ARPC3: variants seen among roughly 807,000 people sequenced by gnomAD.
The protein encoded by ARPC3 is actin related protein 2/3 complex subunit 3.
A neutral mutation model predicts 27.6 loss-of-function variants in ARPC3; 12 were observed. That is an observed-to-expected ratio of 0.43 (90% CI 0.28 to 0.70). The LOEUF (loss-of-function observed/expected upper bound fraction) is 0.70, where lower values mean the gene tolerates loss of function less well. Among genes scored for constraint, ARPC3 ranks in the 30% least tolerant of loss-of-function variants. The probability of loss-of-function intolerance (pLI) is 0.17; values close to 1 mark genes in which losing one functional copy is unlikely to be tolerated. For missense variants in ARPC3, 153 were observed against 207.7 expected (o/e 0.74, Z 1.62); for synonymous variants, 53 against 67.2 (o/e 0.79, Z 1.03).
chr12:110,436,085 T>G (rs893617794), intron 6 of ARPC3, 25 bp downstream of exon 6: 2 of 1,563,784 alleles, frequency 1.3e-6, no homozygotes, highest in African/African-American at 2.7e-5. Flanking sequence ...ATTTACCAAT[T>G]AAGCAGGCAA....
intron 2 of ARPC3, 132 bp from the exon 3 acceptor site, chr12:110,440,520 A>G (rs1438178558): frequency 1.5e-6 from 1 of 684,584 alleles, no homozygotes; most frequent in Non-Finnish European, 2.6e-6. Context: ...AAATGATCCT[A>G]TTGAAATACA....
intron 2 of ARPC3, chr12:110,445,104 G>T (rs1288158497): frequency 3.7e-6 from 1 of 267,406 alleles, no homozygotes; most frequent in Non-Finnish European, 7.3e-6. Flanking sequence ...TAAAATATTT[G>T]TTGTTGTTCT....
chr12:110,440,851 T>G (rs1388316737), intron 2 of ARPC3, among the ~76,000 whole-genome samples: 2 of 134,418 alleles, frequency 1.5e-5, no homozygotes, highest in African/African-American at 5.6e-5. Context: ...CAGCCTTTGT[T>G]TTTTTTTTTG....
At chr12:110,449,769 C>T (rs536857996) in intron 1 of ARPC3, among the ~76,000 whole-genome samples, 3 of 152,262 alleles carry the variant, frequency 2.0e-5, no homozygotes, top group African/African-American at 4.8e-5. Flanking sequence ...CCGAACGAGT[C>T]TGTGAGGGCC....
At chr12:110,448,663 A>T (rs909066847) in intron 1 of ARPC3, among the ~76,000 whole-genome samples, 1 of 151,282 alleles carries the variant, frequency 6.6e-6, no homozygotes, top group African/African-American at 2.4e-5. Flanking sequence ...AAAAAAAAAA[A>T]AAATGTATTT....
chr12:110,447,990 C>A (rs1350871978), intron 1 of ARPC3, among the ~76,000 whole-genome samples: 1 of 150,286 alleles, frequency 6.7e-6, no homozygotes, highest in Non-Finnish European at 1.5e-5. Context: ...CCAGGTGATC[C>A]TCCCACCTCA....
chr12:110,443,679 C>T (rs919530497), intron 2 of ARPC3, among the ~76,000 whole-genome samples: 5 of 151,950 alleles, frequency 3.3e-5, no homozygotes, highest in African/African-American at 9.7e-5. Context: ...GCAATCTGCC[C>T]GCCTCAGCCT....
chr12:110,445,217 T>A (rs1373824023), intron 2 of ARPC3: 5 of 506,230 alleles, frequency 9.9e-6, no homozygotes, highest in Non-Finnish European at 1.8e-5. Flanking sequence ...ATTAAGCACA[T>A]TTCCTCCATT....
chr12:110,436,052 T>C (rs1324334809), intron 6 of ARPC3, 58 bp downstream of exon 6: 4 of 1,318,792 alleles, frequency 3.0e-6, no homozygotes, highest in African/African-American at 1.5e-5. Context: ...GTGTGTTCAA[T>C]GGTGGCTATG....
intron 2 of ARPC3, among the ~76,000 whole-genome samples, chr12:110,444,444 C>T (rs1592954311): frequency 6.6e-6 from 1 of 152,006 alleles, no homozygotes; most frequent in African/African-American, 2.4e-5. Context: ...ACCACCATGC[C>T]TAGCTAATTT....
chr12:110,447,548 A>G (rs908015092), intron 1 of ARPC3, among the ~76,000 whole-genome samples: 1 of 152,120 alleles, frequency 6.6e-6, no homozygotes, highest in African/African-American at 2.4e-5. Context: ...GCTGAGGCGG[A>G]CAGATCACAA....
chr12:110,440,346 T>C lies in ARPC3; in HGVS notation c.149A>G (p.Lys50Arg), dbSNP rs1249398666. 3.1e-6 allele frequency: 5 copies of C among 1,611,492 alleles called. No individual in the cohort carries two copies. Among genetic ancestry groups the C allele is most frequent in the Non-Finnish European group, 4.2e-6 (5 of 1,177,784 alleles). The change falls in exon 3 of 7, where the codon AAG becomes AGG. Residue 50 changes from lysine to arginine, a missense_variant. Transcript: ENST00000228825. ...DIVDEAIYYFKANVFFKNYEI... is the reference protein window; with the variant it reads ...DIVDEAIYYFRANVFFKNYEI... ...ATAGTTTTTGAAGAAGACATTGGCC[T>C]TGAAGTAATAGATGGCTTCATCCAC...
intron 3 of ARPC3, 84 bp from the exon 4 acceptor site, chr12:110,437,236 G>A: frequency 1.1e-6 from 1 of 942,310 alleles, no homozygotes; most frequent in Non-Finnish European, 1.7e-6. Flanking sequence ...TTTGTCTTCT[G>A]ATTATCTGCT....
intron 3 of ARPC3, among the ~76,000 whole-genome samples, chr12:110,438,271 G>A (rs559309754): frequency 1.4e-3 from 203 of 149,666 alleles, no homozygotes; most frequent in Non-Finnish European, 2.4e-3. Context: ...ACTGCAGCCT[G>A]GGCAACAGAG....
intron 3 of ARPC3, among the ~76,000 whole-genome samples, chr12:110,439,971 C>T (rs979185979): frequency 7.9e-5 from 12 of 152,134 alleles, no homozygotes; most frequent in Non-Finnish European, 2.9e-5. Context: ...GCCATACAGT[C>T]TTTGTCACAA....
intron 3 of ARPC3, among the ~76,000 whole-genome samples, chr12:110,439,742 G>T (rs934505873): frequency 1.3e-5 from 2 of 152,228 alleles, no homozygotes; most frequent in East Asian, 3.8e-4. Context: ...GCTGAGGCAG[G>T]AGGACTGTCT....
At chr12:110,436,771 G>C in intron 4 of ARPC3, 88 bp from the exon 5 acceptor site, 1 of 1,078,144 alleles carries the variant, frequency 9.3e-7, no homozygotes, top group Non-Finnish European at 1.3e-6. Context: ...ACAGGGAAAA[G>C]AAGAATTCTA....
chr12:110,438,359 GA>G (rs2062417080), intron 3 of ARPC3, among the ~76,000 whole-genome samples: 1 of 150,666 alleles, frequency 6.6e-6, no homozygotes. Context: ...CAACACTTTG[GA>G]AGTCCAAGGT....
chr12:110,448,389 T>C (rs2062477550), intron 1 of ARPC3, among the ~76,000 whole-genome samples: 1 of 151,916 alleles, frequency 6.6e-6, no homozygotes, highest in South Asian at 2.1e-4. Context: ...AAATATGCAT[T>C]TGTGAGGCTG....
Sources: gnomAD v4.1 joint callset for allele counts (sites outside exome capture counted in the v4.1 genomes callset) on GRCh38, gnomAD v4.1.1 for gene constraint, MANE v1.5 for transcripts, NCBI Gene and HGNC (gene_info 2026-07-23, HGNC 2026-07-21) for gene names.